The following EPB41L1 variants were observed in gnomAD, a reference collection of about 807,000 sequenced individuals.
EPB41L1 encodes the protein band 4.1-like protein 1.
A neutral mutation model predicts 97.8 loss-of-function variants in EPB41L1; 29 were observed. That is an observed-to-expected ratio of 0.30 (90% CI 0.22 to 0.40). The LOEUF (loss-of-function observed/expected upper bound fraction) is 0.40, where lower values mean the gene tolerates loss of function less well. EPB41L1 is among the 10% of genes least tolerant of loss of function. The probability of loss-of-function intolerance (pLI) is 1.00; values close to 1 mark genes in which losing one functional copy is unlikely to be tolerated. For missense variants in EPB41L1, 812 were observed against 1,162.3 expected (o/e 0.70, Z 4.38); for synonymous variants, 383 against 459.2 (o/e 0.83, Z 2.12).
At chr20:36,226,192 A>G (rs1230110671) in intron 21 of EPB41L1, among the ~76,000 whole-genome samples, 1 of 152,180 alleles carries the variant, frequency 6.6e-6, no homozygotes, top group East Asian at 1.9e-4. Flanking sequence ...GGCTTAATGG[A>G]TGGATGCCTC....
At chr20:36,123,586 A>G (rs1345682518) in intron 2 of EPB41L1, among the ~76,000 whole-genome samples, 1 of 152,206 alleles carries the variant, frequency 6.6e-6, no homozygotes, top group African/African-American at 2.4e-5. Context: ...TATTACAGGC[A>G]TCCACCATCA....
At chr20:36,175,790 AC>A in intron 3 of EPB41L1, 75 bp downstream of exon 3, 1 of 1,565,972 alleles carries the variant, frequency 6.4e-7, no homozygotes, top group Non-Finnish European at 8.7e-7. Context: ...TCCTGTGTGT[AC>A]CCAGCTTGGG....
chr20:36,098,574 C>A (rs2590986), intron 1 of EPB41L1, among the ~76,000 whole-genome samples: 55,649 of 152,092 alleles, frequency 0.37, 13,961 homozygotes, highest in African/African-American at 0.72. Flanking sequence ...ATTTCCTCTT[C>A]TAAGGACACC....
chr20:36,144,803 A>G (rs561072263), intron 2 of EPB41L1, among the ~76,000 whole-genome samples: 1 of 152,368 alleles, frequency 6.6e-6, no homozygotes, highest in South Asian at 2.1e-4. Context: ...TTGAATACTT[A>G]CTATAAGTTA....
intron 1 of EPB41L1, among the ~76,000 whole-genome samples, chr20:36,171,814 G>T (rs780056528): frequency 5.3e-5 from 8 of 152,280 alleles, no homozygotes; most frequent in Middle Eastern, 3.4e-3. Context: ...GGCCTCCCAC[G>T]ATGGATGGTG....
rs751852816 is a variant in EPB41L1, at chr20:36,209,454, A to G, written c.1669-34A>G. 3.1e-6 allele frequency: 5 copies of G among 1,606,936 alleles called. No individual in the cohort carries two copies. In the African/African-American group the frequency reaches 6.7e-5, roughly 22 times the overall value. Reference sequence around the variant, plus strand: ...CTCTTTCTCTCTCTCTCCCCACCCCACATCCCCATTCTTTTGATTTTATCT... The same window carrying G: ...CTCTTTCTCTCTCTCTCCCCACCCCGCATCCCCATTCTTTTGATTTTATCT... On this transcript the variant is annotated intron_variant, in intron 14 of 21. Coordinates refer to ENST00000338074, the MANE Select transcript of EPB41L1 (RefSeq NM_012156.2). This position sits in a 1 kb window ranked among gnomAD's most constrained non-coding sequence, Gnocchi z 4.2.
At chr20:36,142,883 A>G (rs990253769) in intron 2 of EPB41L1, among the ~76,000 whole-genome samples, 1 of 152,188 alleles carries the variant, frequency 6.6e-6, no homozygotes, top group Admixed American at 6.5e-5. Context: ...TGATCAGCGT[A>G]GTCACCAATC....
At chr20:36,143,691 TA>T (rs779772707) in intron 2 of EPB41L1, among the ~76,000 whole-genome samples, 6 of 152,054 alleles carry the variant, frequency 3.9e-5, no homozygotes, top group Non-Finnish European at 8.8e-5. Flanking sequence ...TGAAAGATGA[TA>T]AAGGTAGGTA....
In EPB41L1 at chr20:36,212,395, T is replaced by A; in HGVS notation, c.2184+19T>A. ...CACCCAGGTAACTTGTGCCTTCCAA[T>A]GTACCCTAAGCATGGGTATTGGGCA... On this transcript the variant is annotated intron_variant, in intron 16 of 21. Transcript: ENST00000338074. This position sits in a 1 kb window ranked among gnomAD's most constrained non-coding sequence, Gnocchi z 4.8. 1 of 1,608,182 alleles carries A rather than the reference T, an allele frequency of 6.2e-7. No individual in the cohort carries two copies. The highest frequency in any genetic ancestry group is 8.5e-7 in the Non-Finnish European group (1 of 1,174,680).
intron 1 of EPB41L1, among the ~76,000 whole-genome samples, chr20:36,096,504 G>A (rs761161912): frequency 1.3e-5 from 2 of 152,180 alleles, no homozygotes; most frequent in Non-Finnish European, 2.9e-5. Flanking sequence ...TAGGCACCAT[G>A]AGCTCTTTTG....
intron 2 of EPB41L1, among the ~76,000 whole-genome samples, chr20:36,139,328 T>G (rs1343756303): frequency 6.6e-6 from 1 of 152,230 alleles, no homozygotes; most frequent in East Asian, 1.9e-4. Flanking sequence ...TTCAAAACTA[T>G]CAGAGCAAAA....
Position 36,190,977 on chromosome 20 carries a change from A to T in EPB41L1, c.1300+180A>T, listed in dbSNP as rs993998265. On this transcript the variant is annotated intron_variant, in intron 11 of 21. Transcript: ENST00000338074. The surrounding 1 kb of genome is among the most constrained non-coding windows in gnomAD (Gnocchi z 5.8). ...GGCAGCTCTTGGTGGCTTAGTCCCA[A>T]CCTAGAGCTCACTCCCACTTGAGAT... Among the ~76,000 whole-genome samples, 2 of 152,010 alleles carry T rather than the reference A, an allele frequency of 1.3e-5. No individual in the cohort carries two copies. Among genetic ancestry groups the T allele is most frequent in the Non-Finnish European group, 2.9e-5 (2 of 67,986 alleles).
chr20:36,170,866 C>CT (rs774641181), intron 1 of EPB41L1, among the ~76,000 whole-genome samples: 1 of 152,216 alleles, frequency 6.6e-6, no homozygotes, highest in Non-Finnish European at 1.5e-5. Flanking sequence ...CTCCTCTCCT[C>CT]TGTCGTTCTG....
At chr20:36,192,471 A>G (rs577367756) in intron 11 of EPB41L1, among the ~76,000 whole-genome samples, 91 of 147,278 alleles carry the variant, frequency 6.2e-4, no homozygotes, top group African/African-American at 2.1e-3. Context: ...TGAAGGTTGC[A>G]GTGAGCCAAG....
At chr20:36,140,045 T>G (rs1038124344) in intron 2 of EPB41L1, among the ~76,000 whole-genome samples, 2 of 130,500 alleles carry the variant, frequency 1.5e-5, no homozygotes, top group African/African-American at 6.0e-5. Flanking sequence ...GGTTTTTTTT[T>G]GTTGTTGTTG....
intron 21 of EPB41L1, among the ~76,000 whole-genome samples, chr20:36,224,385 T>C (rs1157109116): frequency 6.6e-6 from 1 of 152,204 alleles, no homozygotes; most frequent in Non-Finnish European, 1.5e-5. Context: ...CGGTGGCTTA[T>C]GCCTGTAATC....
chr20:36,218,994 A>T, intron 18 of EPB41L1, 32 bp downstream of exon 18: 1 of 1,604,918 alleles, frequency 6.2e-7, no homozygotes, highest in Non-Finnish European at 8.5e-7. Flanking sequence ...AGGCTAGGGG[A>T]CTCCACACTG....
intron 3 of EPB41L1, among the ~76,000 whole-genome samples, chr20:36,176,189 C>G (rs1207267384): frequency 6.6e-6 from 1 of 152,200 alleles, no homozygotes; most frequent in East Asian, 1.9e-4. Context: ...TATGGCAAGC[C>G]CATCACCACG....
At chr20:36,183,505 C>G (rs1299876616) in intron 6 of EPB41L1, among the ~76,000 whole-genome samples, 2 of 152,164 alleles carry the variant, frequency 1.3e-5, no homozygotes, top group Non-Finnish European at 2.9e-5. Flanking sequence ...TAGGTTAGGC[C>G]AGCACAGCCT....
Sources: gnomAD v4.1 joint callset for allele counts (sites outside exome capture counted in the v4.1 genomes callset) on GRCh38, gnomAD v4.1.1 for gene constraint, Gnocchi (gnomAD v3.1) non-coding constraint, MANE v1.5 for transcripts, NCBI Gene and HGNC (gene_info 2026-07-23, HGNC 2026-07-21) for gene names.